Variants in CDC73 observed in about 807,000 individuals in gnomAD.
CDC73 encodes the protein cell division cycle 73.
A neutral mutation model predicts 83.7 loss-of-function variants in CDC73; 21 were observed. The observed-to-expected ratio is 0.25, with a 90% CI of 0.18 to 0.36. The LOEUF (loss-of-function observed/expected upper bound fraction) is 0.36, where lower values mean the gene tolerates loss of function less well. Ranked by LOEUF, CDC73 falls within the 10% of genes least tolerant of loss-of-function variation. CDC73 has a pLI of 1.00. For synonymous variants in CDC73, 224 were observed against 212.9 expected (o/e 1.05, Z -0.45); for missense variants, 342 against 653.3 (o/e 0.52, Z 5.19).
At chr1:193,181,142 T>C in intron 10 of CDC73, 1 of 1,614,022 alleles carries the variant, frequency 6.2e-7, no homozygotes, top group Non-Finnish European at 8.5e-7. Context: ...TCAGGCTCAT[T>C]AATAATATAT....
At chr1:193,239,064 T>C (rs1307726962) in intron 15 of CDC73, among the ~76,000 whole-genome samples, 8 of 152,216 alleles carry the variant, frequency 5.3e-5, no homozygotes, top group African/African-American at 1.9e-4. Context: ...TTATATTCCC[T>C]CATTCTAAAA....
chr1:193,193,831 T>TGTGTGTG, intron 10 of CDC73, among the ~76,000 whole-genome samples: 1 of 119,592 alleles, frequency 8.4e-6, no homozygotes, highest in East Asian at 3.1e-4. Context: ...GTGTGTGTGT[T>TGTGTGTG]GTGGGGCAGT....
At chr1:193,197,661 C>G (rs567708883) in intron 10 of CDC73, among the ~76,000 whole-genome samples, 16 of 152,154 alleles carry the variant, frequency 1.1e-4, no homozygotes, top group African/African-American at 3.9e-4. Flanking sequence ...TGCGGTGGCT[C>G]GTGCCTGTAA....
intron 2 of CDC73, 37 bp from the exon 3 acceptor site, chr1:193,130,137 T>C (rs1313811352): frequency 4.4e-6 from 4 of 899,418 alleles, no homozygotes; most frequent in Non-Finnish European, 7.6e-6. Context: ...GTATCATTGT[T>C]ATTCATTTCA....
rs1678020030 is a variant in CDC73, at chr1:193,249,958, T to A, written c.1559+87T>A. 15 of 1,228,158 alleles carry A rather than the reference T, an allele frequency of 1.2e-5. No individual in the cohort carries two copies. The South Asian group carries it at 1.8e-4, about 15-fold the overall frequency. 76.1% of individuals were successfully genotyped at this position (1,228,158 alleles called of 1,614,324 possible). A position where few individuals can be genotyped will look rare whatever the true frequency, so the allele number is the denominator to read the frequency against. On this transcript the variant is annotated intron_variant, in intron 16 of 16. Coordinates refer to ENST00000367435, the MANE Select transcript of CDC73 (RefSeq NM_024529.5). The stretch of plus-strand genomic sequence containing the variant: ...ATTTTAAGTTCCATAGAGTTGTCAG[T>A]CTTATTCCCTAATTCCCTTCTTTCA...
intron 16 of CDC73, among the ~76,000 whole-genome samples, chr1:193,250,100 C>T (rs1678022129): frequency 6.6e-6 from 1 of 151,838 alleles, no homozygotes; most frequent in Non-Finnish European, 1.5e-5. Flanking sequence ...AAGACTTAGA[C>T]TTTAGTCTTG....
At chr1:193,162,665 C>T (rs935399576) in intron 10 of CDC73, among the ~76,000 whole-genome samples, 7 of 151,892 alleles carry the variant, frequency 4.6e-5, no homozygotes, top group Non-Finnish European at 7.4e-5. Context: ...CACCACACCC[C>T]GCCAGTTTAA....
intron 11 of CDC73, among the ~76,000 whole-genome samples, chr1:193,206,678 T>C (rs1010650250): frequency 6.6e-6 from 1 of 152,220 alleles, no homozygotes; most frequent in Non-Finnish European, 1.5e-5. Context: ...GTATAACTGT[T>C]ATTTGTTGGG....
At chr1:193,213,328 G>T (rs1194800115) in intron 13 of CDC73, among the ~76,000 whole-genome samples, 1 of 150,954 alleles carries the variant, frequency 6.6e-6, no homozygotes, top group East Asian at 1.9e-4. Flanking sequence ...ATGCTATCAA[G>T]TTTTTTAGAC....
At chr1:193,248,618 G>T (rs1296883066) in intron 15 of CDC73, among the ~76,000 whole-genome samples, 2 of 152,032 alleles carry the variant, frequency 1.3e-5, no homozygotes, top group Non-Finnish European at 2.9e-5. Flanking sequence ...GAACATTTGT[G>T]ATTAATAGGA....
intron 13 of CDC73, among the ~76,000 whole-genome samples, chr1:193,230,457 ATTTTTTTT>A (rs752027731): frequency 0.02 from 1,785 of 90,738 alleles, 17 homozygotes; most frequent in Non-Finnish European, 0.025. Context: ...CTAATCCCGT[ATTTTTTTT>A]TTTTTTTTTT....
At chr1:193,233,179 C>T in intron 14 of CDC73, 25 bp downstream of exon 14, 1 of 1,587,760 alleles carries the variant, frequency 6.3e-7, no homozygotes, top group Non-Finnish European at 8.6e-7. Context: ...ATATATATAT[C>T]TTTTCACAGG....
intron 10 of CDC73, among the ~76,000 whole-genome samples, chr1:193,155,282 T>C (rs1031193968): frequency 4.6e-5 from 7 of 152,326 alleles, no homozygotes; most frequent in South Asian, 2.1e-4. Flanking sequence ...TTCAAACTTA[T>C]AGCAACAGAA....
intron 8 of CDC73, among the ~76,000 whole-genome samples, chr1:193,148,366 C>T (rs1302421398): frequency 6.6e-6 from 1 of 152,142 alleles, no homozygotes; most frequent in Non-Finnish European, 1.5e-5. Context: ...ATGTATTTCT[C>T]TTGATCACCA....
chr1:193,163,352 C>A (rs1294211259), intron 10 of CDC73, among the ~76,000 whole-genome samples: 1 of 151,688 alleles, frequency 6.6e-6, no homozygotes, highest in Non-Finnish European at 1.5e-5. Context: ...CAAAAATATT[C>A]AAAAATTAGC....
chr1:193,167,079 T>TG (rs1676446664), intron 10 of CDC73, among the ~76,000 whole-genome samples: 1 of 152,206 alleles, frequency 6.6e-6, no homozygotes, highest in Admixed American at 6.5e-5. Context: ...ACTATGTAAT[T>TG]GGGGAACTTC....
chr1:193,180,809 C>A, intron 10 of CDC73: 1 of 1,614,052 alleles, frequency 6.2e-7, no homozygotes, highest in South Asian at 1.1e-5. Context: ...ATGTCACTGT[C>A]AGTTTTCATA....
At chr1:193,197,299 G>C (rs1677017531) in intron 10 of CDC73, among the ~76,000 whole-genome samples, 1 of 151,992 alleles carries the variant, frequency 6.6e-6, no homozygotes, top group Admixed American at 6.6e-5. Flanking sequence ...AATCCCATTA[G>C]GTCATGGTAT....
At chr1:193,158,722 G>T (rs1018262468) in intron 10 of CDC73, among the ~76,000 whole-genome samples, 3 of 152,012 alleles carry the variant, frequency 2.0e-5, no homozygotes, top group Non-Finnish European at 4.4e-5. Flanking sequence ...AAACAGAGTG[G>T]TTCTATCATG....
Sources: allele counts gnomAD v4.1 joint callset (sites outside exome capture counted in the v4.1 genomes callset), GRCh38; gene constraint gnomAD v4.1.1; transcripts MANE v1.5; gene names NCBI Gene and HGNC (gene_info 2026-07-23, HGNC 2026-07-21).